The following CA5A variants were observed in gnomAD, a reference collection of about 807,000 sequenced individuals.
The protein encoded by CA5A is carbonic anhydrase 5A, mitochondrial.
Under a neutral mutation model 37.1 loss-of-function variants are expected in CA5A, and 28 were observed. That is an observed-to-expected ratio of 0.75 (90% CI 0.56 to 1.03). CA5A has a LOEUF of 1.03. Among genes scored for constraint, CA5A ranks in the 50% least tolerant of loss-of-function variants. CA5A has a pLI of 0.00. For synonymous variants in CA5A, 171 were observed against 158.4 expected (o/e 1.08, Z -0.60); for missense variants, 444 against 399.9 (o/e 1.11, Z -0.94).
At chr16:87,924,857 G>GA (rs2056282397) in intron 2 of CA5A, among the ~76,000 whole-genome samples, 1 of 152,252 alleles carries the variant, frequency 6.6e-6, no homozygotes, top group Non-Finnish European at 1.5e-5. Flanking sequence ...AGCCATGTGG[G>GA]AGTTTCTGGG....
At chr16:87,884,412 A>G (rs2055632491), downstream of CA5A, 2 of 151,988 alleles carry the variant, frequency 1.3e-5, no homozygotes, top group South Asian at 2.1e-4. Context: ...TCGTAAAAAT[A>G]CAAAATTAGC....
rs757465682 is a variant in CA5A at position 87,888,200 on chromosome 16, G to C, written c.847C>G (p.Pro283Ala). 3 of 1,613,780 alleles carry C rather than the reference G, an allele frequency of 1.9e-6. No individual in the cohort carries two copies. The highest frequency in any genetic ancestry group is 3.3e-5 in the Admixed American group (2 of 59,974). Residue 283 changes from proline (P) to alanine (A), a missense_variant, in exon 7 of 7, where the codon CCA becomes GCA. Transcript: ENST00000649794. ...EEKMMVNNYR[P>A]LQPLMNRKVW... Reference sequence around the variant, plus strand: ...TTCCGGTTCATCAAGGGTTGAAGTGGGCGATAGTTGTTCACCATCATCTTC... The same window carrying C: ...TTCCGGTTCATCAAGGGTTGAAGTGCGCGATAGTTGTTCACCATCATCTTC...
chr16:87,919,516 C>T (rs2056201183), intron 2 of CA5A, among the ~76,000 whole-genome samples: 1 of 152,178 alleles, frequency 6.6e-6, no homozygotes. Flanking sequence ...CAGGGAACCC[C>T]CGTGAGTGTC....
At chr16:87,922,266 TG>T (rs1292205918) in intron 2 of CA5A, among the ~76,000 whole-genome samples, 1 of 151,976 alleles carries the variant, frequency 6.6e-6, no homozygotes, top group Non-Finnish European at 1.5e-5. Flanking sequence ...CCAGGTGCGG[TG>T]GGGAAGGGGA....
chr16:87,915,999 A>T (rs563958266), intron 2 of CA5A, among the ~76,000 whole-genome samples: 1 of 151,926 alleles, frequency 6.6e-6, no homozygotes, highest in African/African-American at 2.4e-5. Context: ...AGAAGGCGAA[A>T]GGCAGGTCTT....
chr16:87,928,751 C>CTTTTTTTTTTTT (rs1567537787), intron 1 of CA5A, among the ~76,000 whole-genome samples: 2 of 107,270 alleles, frequency 1.9e-5, no homozygotes, highest in African/African-American at 7.1e-5. Context: ...GGATTATTTT[C>CTTTTTTTTTTTT]TTTTCTTTGT....
chr16:87,933,372 T>C (rs1377941869), intron 1 of CA5A, among the ~76,000 whole-genome samples: 2 of 152,168 alleles, frequency 1.3e-5, no homozygotes, highest in African/African-American at 4.8e-5. Context: ...AAACATTAAA[T>C]GATCCCTAAA....
intron 5 of CA5A, among the ~76,000 whole-genome samples, chr16:87,892,558 AT>A (rs1177652098): frequency 1.7e-5 from 2 of 117,806 alleles, no homozygotes; most frequent in South Asian, 3.1e-4. Flanking sequence ...ATAATAATAA[AT>A]TAATTAATAA....
chr16:87,899,952 A>G (rs935608288), intron 5 of CA5A, among the ~76,000 whole-genome samples: 2 of 134,730 alleles, frequency 1.5e-5, no homozygotes, highest in Non-Finnish European at 1.6e-5. Flanking sequence ...AAAAAAAAAA[A>G]GAGTCTAACT....
chr16:87,929,153 T>A (rs2056360477), intron 1 of CA5A, among the ~76,000 whole-genome samples: 1 of 149,210 alleles, frequency 6.7e-6, no homozygotes, highest in African/African-American at 2.4e-5. Context: ...AAAACAAGGA[T>A]AAAGATGTAT....
intron 5 of CA5A, among the ~76,000 whole-genome samples, chr16:87,897,185 C>G (rs1720521252): frequency 1.3e-5 from 2 of 152,246 alleles, no homozygotes; most frequent in Admixed American, 1.3e-4. Flanking sequence ...TTCCCTGGAT[C>G]CCCTGGACCT....
At chr16:87,919,419 G>A (rs2056199808) in intron 2 of CA5A, among the ~76,000 whole-genome samples, 1 of 152,224 alleles carries the variant, frequency 6.6e-6, no homozygotes, top group South Asian at 2.1e-4. Context: ...AATCAGCCAT[G>A]GGATGGTGGC....
chr16:87,907,406 G>C (rs1385391354), intron 2 of CA5A, among the ~76,000 whole-genome samples: 1 of 152,056 alleles, frequency 6.6e-6, no homozygotes, highest in Non-Finnish European at 1.5e-5. Context: ...GGGTGACTGA[G>C]GGTGGAGCCT....
rs138938647 is a variant in CA5A at position 87,926,835 on chromosome 16, C to T, written c.253G>A (p.Val85Ile). 3 of 1,614,060 alleles carry T rather than the reference C, an allele frequency of 1.9e-6. No homozygotes were observed. The highest frequency in any genetic ancestry group is 1.3e-5 in the African/African-American group (1 of 75,064). Residue 85 changes from valine to isoleucine, a missense_variant, in exon 2 of 7, where the codon GTC (valine) becomes ATC (isoleucine). Physicochemically the swap from Val to Ile is conservative, Grantham distance 29. Transcript: ENST00000649794. ...VYDPQLKPLRVSYEAASCLYI... is the reference protein window; with the variant it reads ...VYDPQLKPLRISYEAASCLYI... ...AGGCAGGATGCCGCTTCATAGGAGA[C>T]CCTGAGTGGCTTCAGCTGGGGGTCA...
intron 6 of CA5A, among the ~76,000 whole-genome samples, chr16:87,890,637 G>A (rs115214799): frequency 0.17 from 26,244 of 151,886 alleles, 2,424 homozygotes; most frequent in South Asian, 0.26. Context: ...TTTTTTTGAG[G>A]CAGAGTGTCA....
rs547519569 is a variant in CA5A at position 87,912,703 on chromosome 16, C to T, written c.341-7799G>A. Among the ~76,000 whole-genome samples, 354 of 152,328 alleles carry T rather than the reference C, an allele frequency of 2.3e-3. 1 individual carries two copies. The highest frequency in any genetic ancestry group is 5.4e-3 in the Admixed American group (83 of 15,294). The stretch of plus-strand genomic sequence containing the variant: ...AGGTGAGAGTGTGGGCTTTGGGGCC[C>T]TAAACTTGCTTGGGACGCCCAGGAG... On this transcript the variant is annotated intron_variant, in intron 2 of 6. Coordinates refer to ENST00000649794, the MANE Select transcript of CA5A (RefSeq NM_001739.2).
intron 2 of CA5A, chr16:87,925,506 C>A (rs1204360758): frequency 1.3e-5 from 2 of 152,356 alleles, no homozygotes; most frequent in African/African-American, 2.4e-5. Flanking sequence ...ACCTGATACC[C>A]AGCACGTGGC....
chr16:87,919,270 G>A (rs2056197495), intron 2 of CA5A, among the ~76,000 whole-genome samples: 1 of 152,244 alleles, frequency 6.6e-6, no homozygotes, highest in Admixed American at 6.5e-5. Flanking sequence ...CCAGTGAGGA[G>A]GGCGCCCCAT....
chr16:87,912,202 G>A (rs370172477), intron 2 of CA5A, among the ~76,000 whole-genome samples: 23 of 152,106 alleles, frequency 1.5e-4, no homozygotes, highest in African/African-American at 4.8e-4. Flanking sequence ...CTTGGGAGGC[G>A]GAGGTGAGAG....
Sources: allele counts gnomAD v4.1 joint callset (sites outside exome capture counted in the v4.1 genomes callset), GRCh38; gene constraint gnomAD v4.1.1; transcripts MANE v1.5; gene names NCBI Gene and HGNC (gene_info 2026-07-23, HGNC 2026-07-21).